KAZN: variants seen among roughly 807,000 people sequenced by gnomAD.
KAZN encodes the protein kazrin, periplakin interacting protein, also known as kazrin.
In KAZN, 40 loss-of-function variants were observed where a neutral mutation model predicts 87.4. The ratio of observed to expected loss-of-function variants is 0.46; its 90% confidence interval spans 0.36 to 0.60. The LOEUF (loss-of-function observed/expected upper bound fraction) is 0.60. Among genes scored for constraint, KAZN ranks in the 20% least tolerant of loss-of-function variants. KAZN has a pLI of 0.00. For missense variants in KAZN, 898 were observed against 1,073.9 expected (o/e 0.84, Z 2.29); for synonymous variants, 466 against 458.3 (o/e 1.02, Z -0.22).
chr1:14,167,061 A>C (rs1645843352), intron 1 of KAZN, among the ~76,000 whole-genome samples: 1 of 152,232 alleles, frequency 6.6e-6, no homozygotes, highest in South Asian at 2.1e-4. Context: ...CTTTGTCATC[A>C]AAAGATTTTC....
chr1:15,093,504 G>C (rs796905740), intron 8 of KAZN, among the ~76,000 whole-genome samples: 7 of 152,212 alleles, frequency 4.6e-5, no homozygotes, highest in African/African-American at 1.4e-4. Flanking sequence ...ATGTAAGAGG[G>C]GGGCGGGGGA....
chr1:13,907,909 A>C (rs1639507255), intron 1 of KAZN, among the ~76,000 whole-genome samples: 1 of 152,198 alleles, frequency 6.6e-6, no homozygotes, highest in African/African-American at 2.4e-5. Context: ...AGAGAAAAAG[A>C]GAATGTGCTT....
At chr1:14,679,582 C>T (rs897442744) in intron 1 of KAZN, among the ~76,000 whole-genome samples, 5 of 152,228 alleles carry the variant, frequency 3.3e-5, no homozygotes, top group African/African-American at 1.2e-4. Context: ...GTCTGAAAGG[C>T]ACCAAGATGT....
chr1:14,405,341 G>T (rs910834257), intron 2 of KAZN, among the ~76,000 whole-genome samples: 1 of 152,158 alleles, frequency 6.6e-6, no homozygotes, highest in African/African-American at 2.4e-5. Context: ...GATTTACAAA[G>T]CATTGAAACC....
intron 8 of KAZN, among the ~76,000 whole-genome samples, chr1:15,093,301 G>A (rs1640641399): frequency 6.6e-6 from 1 of 152,066 alleles, no homozygotes; most frequent in South Asian, 2.1e-4. Flanking sequence ...ATCCAGAAAA[G>A]AGTATTTAAC....
chr1:15,023,143 G>T (rs1053272113), intron 2 of KAZN, among the ~76,000 whole-genome samples: 2 of 152,190 alleles, frequency 1.3e-5, no homozygotes, highest in East Asian at 1.9e-4. Context: ...TAGTGGATGG[G>T]CAAGGCCATG....
chr1:14,898,787 A>C (rs1221255028), intron 1 of KAZN, among the ~76,000 whole-genome samples: 1 of 152,180 alleles, frequency 6.6e-6, no homozygotes, highest in Non-Finnish European at 1.5e-5. Context: ...TTATCGCCCC[A>C]GCACCTAGCT....
intron 1 of KAZN, among the ~76,000 whole-genome samples, chr1:14,913,125 G>A (rs932963233): frequency 1.3e-5 from 2 of 152,194 alleles, no homozygotes; most frequent in Admixed American, 1.3e-4. Context: ...TGTGCTTGTG[G>A]TGCGCCTGGC....
At chr1:14,390,471 G>C (rs1209799308) in intron 2 of KAZN, among the ~76,000 whole-genome samples, 1 of 152,208 alleles carries the variant, frequency 6.6e-6, no homozygotes, top group African/African-American at 2.4e-5. Flanking sequence ...AGATCTGAAG[G>C]AAGTGAGGAA....
At chr1:14,205,899 A>AAAAAAAAAAAAAAAAAAAAAAAC (rs1646732196) in intron 2 of KAZN, among the ~76,000 whole-genome samples, 1 of 59,718 alleles carries the variant, frequency 1.7e-5, no homozygotes, top group Non-Finnish European at 3.0e-5. Context: ...AAAAAAAAAA[A>AAAAAAAAAAAAAAAAAAAAAAAC]AAAAAAAGCT....
intron 3 of KAZN, among the ~76,000 whole-genome samples, chr1:15,039,342 C>T (rs1432493007): frequency 6.6e-6 from 1 of 152,120 alleles, no homozygotes; most frequent in Non-Finnish European, 1.5e-5. Context: ...GTCCCAGAGC[C>T]CCAGCCCCAG....
intron 1 of KAZN, among the ~76,000 whole-genome samples, chr1:14,684,097 C>T (rs718996): frequency 6.6e-6 from 1 of 151,912 alleles, no homozygotes; most frequent in Non-Finnish European, 1.5e-5. Context: ...AGGTACCAAG[C>T]TAAGCCCTGG....
At chr1:14,211,959 G>A (rs1010373859) in intron 2 of KAZN, among the ~76,000 whole-genome samples, 2 of 151,922 alleles carry the variant, frequency 1.3e-5, no homozygotes, top group Non-Finnish European at 2.9e-5. Flanking sequence ...GTTCCCACAT[G>A]TATACAGACA....
At chr1:14,628,944 T>A (rs1390639685) in intron 1 of KAZN, among the ~76,000 whole-genome samples, 1 of 151,318 alleles carries the variant, frequency 6.6e-6, no homozygotes, top group African/African-American at 2.4e-5. Context: ...TCTCCCGGGT[T>A]CAAGCAATTC....
chr1:14,466,507 G>A (rs1668139655), intron 2 of KAZN, among the ~76,000 whole-genome samples: 1 of 152,058 alleles, frequency 6.6e-6, no homozygotes, highest in African/African-American at 2.4e-5. Context: ...AGTGGGGTGA[G>A]GGGAGGGAGA....
intron 1 of KAZN, among the ~76,000 whole-genome samples, chr1:14,133,021 G>A (rs536269806): frequency 2.6e-5 from 4 of 152,278 alleles, no homozygotes; most frequent in Admixed American, 6.5e-5. Context: ...GAAATTGGGG[G>A]CATCTTGTGA....
chr1:14,275,136 C>G (rs1444990742), intron 2 of KAZN, among the ~76,000 whole-genome samples: 1 of 152,106 alleles, frequency 6.6e-6, no homozygotes, highest in Non-Finnish European at 1.5e-5. Context: ...AGGACATTAC[C>G]AATATCTTGA....
At chr1:14,102,378 ACTG>A (rs1343074927) in intron 1 of KAZN, among the ~76,000 whole-genome samples, 1 of 152,128 alleles carries the variant, frequency 6.6e-6, no homozygotes, top group Non-Finnish European at 1.5e-5. Context: ...TGGTTTGTAA[ACTG>A]CTGCTGGCTT....
chr1:14,908,403 G>A (rs1656850553), intron 1 of KAZN, among the ~76,000 whole-genome samples: 2 of 151,116 alleles, frequency 1.3e-5, no homozygotes, highest in Non-Finnish European at 2.9e-5. Flanking sequence ...TAACCAGGCA[G>A]TAGTGGCAGG....
Sources: allele counts gnomAD v4.1 joint callset (sites outside exome capture counted in the v4.1 genomes callset), GRCh38; gene constraint gnomAD v4.1.1; transcripts MANE v1.5; gene names NCBI Gene and HGNC (gene_info 2026-07-23, HGNC 2026-07-21).